The following SULF1 variants were observed in gnomAD, a reference collection of about 807,000 sequenced individuals.
SULF1 encodes the protein sulfatase 1.
A neutral mutation model predicts 110.5 loss-of-function variants in SULF1; 46 were observed. That is an observed-to-expected ratio of 0.42 (90% confidence interval 0.33 to 0.53). SULF1 has a LOEUF of 0.53. SULF1 is among the 20% of genes least tolerant of loss of function. The pLI, the probability that SULF1 is intolerant of heterozygous loss-of-function variation, is 0.12. For synonymous variants in SULF1, 371 were observed against 387.1 expected (o/e 0.96, Z 0.49); for missense variants, 941 against 1,094.2 (o/e 0.86, Z 1.98).
At chr8:69,616,225 TATATA>T (rs1809126521) in intron 13 of SULF1, among the ~76,000 whole-genome samples, 6 of 145,298 alleles carry the variant, frequency 4.1e-5, no homozygotes, top group East Asian at 4.0e-4. Context: ...TATATATATA[TATATA>T]TTTTTTTGAG....
chr8:69,537,984 G>A (rs981662923), intron 3 of SULF1, among the ~76,000 whole-genome samples: 34 of 147,820 alleles, frequency 2.3e-4, no homozygotes, highest in Non-Finnish European at 4.9e-4. Flanking sequence ...TTTTTTAGAC[G>A]GAGTCTCGCT....
intron 5 of SULF1, among the ~76,000 whole-genome samples, chr8:69,565,081 A>G (rs1815773469): frequency 6.6e-6 from 1 of 152,162 alleles, no homozygotes; most frequent in South Asian, 2.1e-4. Context: ...CTTGGTCTCC[A>G]TGGAAGGGGA....
chr8:69,588,209 C>T (rs1161132430), intron 7 of SULF1, among the ~76,000 whole-genome samples: 1 of 152,128 alleles, frequency 6.6e-6, no homozygotes, highest in Non-Finnish European at 1.5e-5. Context: ...TCTTACAGAC[C>T]TGCATCAGCC....
chr8:69,622,455 G>A (rs957022554), intron 14 of SULF1, among the ~76,000 whole-genome samples: 15 of 152,060 alleles, frequency 9.9e-5, no homozygotes, highest in African/African-American at 3.1e-4. Context: ...GGTGGCACAC[G>A]CCTGTAATGC....
intron 3 of SULF1, among the ~76,000 whole-genome samples, chr8:69,547,375 A>T (rs1049379410): frequency 9.2e-5 from 14 of 152,222 alleles, no homozygotes; most frequent in Admixed American, 5.9e-4. Flanking sequence ...GAAACCACCT[A>T]AGCATAGGAA....
chr8:69,571,441 A>G (rs1202013323), intron 5 of SULF1, among the ~76,000 whole-genome samples: 2 of 152,164 alleles, frequency 1.3e-5, no homozygotes, highest in African/African-American at 4.8e-5. Flanking sequence ...GCAAAATCCA[A>G]ATGTTTTCCC....
At chr8:69,587,863 A>T (rs1246889357) in intron 7 of SULF1, among the ~76,000 whole-genome samples, 2 of 152,240 alleles carry the variant, frequency 1.3e-5, no homozygotes, top group Non-Finnish European at 2.9e-5. Flanking sequence ...TGTCAAAGAC[A>T]ACTGTGTCTG....
chr8:69,612,428 A>G (rs1296163305), intron 13 of SULF1, among the ~76,000 whole-genome samples: 1 of 152,170 alleles, frequency 6.6e-6, no homozygotes, highest in Non-Finnish European at 1.5e-5. Context: ...GAAACTCCAT[A>G]CTGTTTTCTG....
chr8:69,654,115 A>G (rs535246484), intron 22 of SULF1, among the ~76,000 whole-genome samples: 2 of 152,308 alleles, frequency 1.3e-5, no homozygotes, highest in South Asian at 4.1e-4. Context: ...TAATGGAGCT[A>G]AGAGACAATG....
At chr8:69,485,982 A>G (rs1229320734) in intron 1 of SULF1, among the ~76,000 whole-genome samples, 1 of 152,140 alleles carries the variant, frequency 6.6e-6, no homozygotes, top group Non-Finnish European at 1.5e-5. Context: ...CACAACATTC[A>G]GGTTATTATT....
At chr8:69,589,519 C>T (rs2130290275) in intron 8 of SULF1, among the ~76,000 whole-genome samples, 1 of 152,268 alleles carries the variant, frequency 6.6e-6, no homozygotes, top group Non-Finnish European at 1.5e-5. Context: ...CAGTGGGGAC[C>T]TCTGGTCTGG....
rs1242878084 is a variant in SULF1, at chr8:69,522,127, T to G, written c.-134+20159T>G. Among the ~76,000 whole-genome samples the G allele has an allele frequency of 1.3e-5, 2 of 151,244 alleles. 1 individual carries two copies. Reference sequence around the variant, plus strand: ...GTGCAGTGGAATGATCTCAGCTCACTGCAACCTCCACCTCCTGGGTTCAAA... The same window carrying G: ...GTGCAGTGGAATGATCTCAGCTCACGGCAACCTCCACCTCCTGGGTTCAAA... On this transcript the variant is annotated intron_variant, in intron 3 of 22. Coordinates refer to ENST00000402687, the MANE Select transcript of SULF1 (RefSeq NM_001128205.2).
intron 1 of SULF1, among the ~76,000 whole-genome samples, chr8:69,477,525 G>A (rs951366427): frequency 6.6e-6 from 1 of 152,086 alleles, no homozygotes; most frequent in Admixed American, 6.6e-5. Flanking sequence ...AAATTAAAAT[G>A]TATATTTTAT....
intron 1 of SULF1, among the ~76,000 whole-genome samples, chr8:69,495,245 T>C (rs1007094160): frequency 2.0e-5 from 3 of 152,128 alleles, no homozygotes; most frequent in African/African-American, 7.2e-5. Flanking sequence ...CATCTGGATG[T>C]GGTGGCATGT....
chr8:69,526,501 C>T (rs1405922466), intron 3 of SULF1, among the ~76,000 whole-genome samples: 1 of 151,380 alleles, frequency 6.6e-6, no homozygotes, highest in African/African-American at 2.4e-5. Context: ...GTAGCTCATG[C>T]CTATAATCCC....
intron 3 of SULF1, among the ~76,000 whole-genome samples, chr8:69,527,767 G>A (rs1054828350): frequency 2.6e-5 from 4 of 152,106 alleles, no homozygotes; most frequent in African/African-American, 7.2e-5. Context: ...CATTTAGTGT[G>A]GGCAAGTGTG....
chr8:69,467,700 T>G (rs1291845299), intron 1 of SULF1, among the ~76,000 whole-genome samples: 2 of 152,226 alleles, frequency 1.3e-5, no homozygotes, highest in Non-Finnish European at 2.9e-5. Context: ...ATCTCTGTAA[T>G]GGATCATTAA....
chr8:69,476,525 A>T lies in SULF1; in HGVS notation c.-391+9575A>T, dbSNP rs116361963. On this transcript the variant is annotated intron_variant, in intron 1 of 22. Transcript: ENST00000260128. ...TGAGTCAGCAAAATCTGGAACTGAA[A>T]TGTAGCCCTGTTACTGAAAATTTGT... Among the ~76,000 whole-genome samples, 319 of 152,332 alleles carry T rather than the reference A, an allele frequency of 2.1e-3. 1 individual carries two copies. Among genetic ancestry groups the T allele is most frequent in the African/African-American group, 7.3e-3 (304 of 41,566 alleles).
At chr8:69,615,654 G>C (rs1809040233) in intron 13 of SULF1, among the ~76,000 whole-genome samples, 1 of 151,972 alleles carries the variant, frequency 6.6e-6, no homozygotes, top group South Asian at 2.1e-4. Flanking sequence ...ATGTATATTT[G>C]ATTTCGTATG....
Sources: allele counts gnomAD v4.1 joint callset (sites outside exome capture counted in the v4.1 genomes callset), GRCh38; gene constraint gnomAD v4.1.1; transcripts MANE v1.5; gene names NCBI Gene and HGNC (gene_info 2026-07-23, HGNC 2026-07-21).